HSPA12B: variants seen among roughly 807,000 people sequenced by gnomAD.
The protein encoded by HSPA12B is heat shock protein family A (Hsp70) member 12B.
HSPA12B carries 54 observed loss-of-function variants against 69.3 expected under a neutral mutation model. That is an observed-to-expected ratio of 0.78 (90% CI 0.63 to 0.98). HSPA12B has a LOEUF of 0.98. Among genes scored for constraint, HSPA12B ranks in the 50% least tolerant of loss-of-function variants. HSPA12B has a pLI of 0.00. For missense variants in HSPA12B, 929 were observed against 999.8 expected (o/e 0.93, Z 0.96); for synonymous variants, 441 against 436.5 (o/e 1.01, Z -0.13).
chr20:3,750,430 G>C (rs758396857), intron 11 of HSPA12B, among the ~76,000 whole-genome samples: 86 of 152,180 alleles, frequency 5.7e-4, no homozygotes, highest in Non-Finnish European at 1.1e-3. Flanking sequence ...GGAATCCGCA[G>C]CCCGAACTGG....
intron 12 of HSPA12B, chr20:3,751,288 T>G: frequency 1.0e-6 from 1 of 985,466 alleles, no homozygotes; most frequent in Non-Finnish European, 1.2e-6. Flanking sequence ...CACGTCGTGG[T>G]GGGAGAGAAG....
intron 3 of HSPA12B, among the ~76,000 whole-genome samples, chr20:3,741,479 A>G (rs1600314408): frequency 1.3e-5 from 2 of 152,090 alleles, no homozygotes; most frequent in African/African-American, 4.8e-5. Context: ...CAAAAAATAC[A>G]ACAATTAGCT....
At chr20:3,738,563 C>G (rs886956464) in intron 1 of HSPA12B, 95 bp from the exon 2 acceptor site, 1 of 1,249,332 alleles carries the variant, frequency 8.0e-7, no homozygotes, top group Non-Finnish European at 1.2e-6. Flanking sequence ...TCAAAGGACT[C>G]CAGCCAAAAG....
Position 3,744,286 on chromosome 20 carries a change from T to C in HSPA12B, c.267-616T>C, listed in dbSNP as rs1247602222. Among the ~76,000 whole-genome samples, 1 of 152,222 alleles carries C rather than the reference T, an allele frequency of 6.6e-6. No individual in the cohort carries two copies. Among genetic ancestry groups the C allele is most frequent in the African/African-American group, 2.4e-5 (1 of 41,462 alleles). ...ACATCACAGGAAACCACAAAGGCTC[T>C]GAGCACTTACAGCCCTCTAGGAGCT... On this transcript the variant is annotated intron_variant, in intron 4 of 12. Transcript: ENST00000254963. The surrounding 1 kb of genome is among the most constrained non-coding windows in gnomAD (Gnocchi z 4.9).
At chr20:3,735,419 C>G (rs555216468) in intron 1 of HSPA12B, among the ~76,000 whole-genome samples, 2 of 151,948 alleles carry the variant, frequency 1.3e-5, no homozygotes, top group East Asian at 3.9e-4. Flanking sequence ...AGAGTATAGG[C>G]CCATGGTTTG....
chr20:3,733,178 G>T (rs555976179), intron 1 of HSPA12B, among the ~76,000 whole-genome samples: 2 of 152,212 alleles, frequency 1.3e-5, no homozygotes, highest in Non-Finnish European at 2.9e-5. Flanking sequence ...GTGTGTGTTG[G>T]GGGGTGCCTC....
chr20:3,751,337 A>T, intron 12 of HSPA12B, 174 bp from the exon 13 acceptor site: 1 of 985,320 alleles, frequency 1.0e-6, no homozygotes, highest in Middle Eastern at 5.2e-4. Flanking sequence ...GCCCTCGAGG[A>T]CTCCCGTGAG....
chr20:3,749,715 C>T lies in HSPA12B; in HGVS notation c.938-35C>T, dbSNP rs572136242. ...GGGCGCAGGGCTGAGGGTGCGAGGCCGCCCACGAGTGTGTGCCCGCGCTCG... is the reference window on the plus strand; with the variant it reads ...GGGCGCAGGGCTGAGGGTGCGAGGCTGCCCACGAGTGTGTGCCCGCGCTCG... On this transcript the variant is annotated intron_variant, in intron 9 of 12. Coordinates refer to ENST00000254963, the MANE Select transcript of HSPA12B (RefSeq NM_052970.5). The surrounding 1 kb of genome is among the most constrained non-coding windows in gnomAD (Gnocchi z 5.5). The T allele has an allele frequency of 5.6e-5, 82 of 1,467,404 alleles. No homozygotes were observed. The South Asian group carries it at 7.2e-4, about 13-fold the overall frequency. 90.9% of individuals were successfully genotyped at this position (1,467,404 alleles called of 1,614,324 possible).
In HSPA12B at chr20:3,749,356, C is replaced by T. The variant is rs1162020257; in HGVS notation, c.937+38C>T. 3 of 1,567,694 alleles carry T rather than the reference C, an allele frequency of 1.9e-6. No homozygotes were observed. The highest frequency in any genetic ancestry group is 1.7e-5 in the Admixed American group (1 of 58,176). On this transcript the variant is annotated intron_variant, in intron 9 of 12. Transcript: ENST00000254963. The surrounding 1 kb of genome is among the most constrained non-coding windows in gnomAD (Gnocchi z 5.5). The stretch of plus-strand genomic sequence containing the variant: ...GGGGACGGAGTGTTATCCTTGGCCC[C>T]TACCGGGCACCATATACTGATGGGG...
chr20:3,745,139 A>C lies in HSPA12B; in HGVS notation c.453+51A>C. On this transcript the variant is annotated intron_variant, in intron 5 of 12. Transcript: ENST00000254963. The surrounding 1 kb of genome is among the most constrained non-coding windows in gnomAD (Gnocchi z 5.6). ...AGGCGGGGCCAGCATGGAAAAGGGC[A>C]GGGCTAATGGGGGTGGGTGGGACAA... 5 of 711,672 alleles carry C rather than the reference A, an allele frequency of 7.0e-6. No individual in the cohort carries two copies. Among genetic ancestry groups the C allele is most frequent in the Non-Finnish European group, 1.2e-5 (5 of 426,800 alleles). The allele number at this position is 711,672 out of a possible 1,614,324, so 44.1% of individuals were successfully genotyped here.
chr20:3,739,642 C>G (rs1472814012), intron 2 of HSPA12B, among the ~76,000 whole-genome samples: 3 of 152,192 alleles, frequency 2.0e-5, no homozygotes, highest in Non-Finnish European at 4.4e-5. Flanking sequence ...CACTTTTTCC[C>G]TGCCCCTCCA....
intron 4 of HSPA12B, 26 bp downstream of exon 4, chr20:3,742,434 G>C: frequency 6.4e-7 from 1 of 1,570,320 alleles, no homozygotes; most frequent in Non-Finnish European, 8.8e-7. Context: ...CTGAGAGAGT[G>C]AGGTGGGGAA....
Position 3,750,220 on chromosome 20 carries a change from A to C in HSPA12B, c.1294A>C (p.Arg432=), listed in dbSNP as rs757023154. ...RGHNVETALR[R]SSVNFVKWSS... is the part of the protein sequence containing the mutation. ...CCACAACGTGGAGACCGCTCTGCGCAGGAGCAGGTGGGTCCTGAGCCCGCG... is the reference window on the plus strand; with the variant it reads ...CCACAACGTGGAGACCGCTCTGCGCCGGAGCAGGTGGGTCCTGAGCCCGCG... The change falls in exon 11 of 13, where the codon AGG becomes CGG. Residue 432 remains arginine (R), a synonymous_variant. Transcript: ENST00000254963. 6.3e-7 allele frequency: 1 copy of C among 1,597,736 alleles called. No individual in the cohort carries two copies. Among genetic ancestry groups the C allele is most frequent in the Non-Finnish European group, 8.6e-7 (1 of 1,168,752 alleles).
intron 1 of HSPA12B, among the ~76,000 whole-genome samples, chr20:3,736,852 G>A (rs943381965): frequency 5.9e-5 from 9 of 152,086 alleles, no homozygotes; most frequent in Admixed American, 4.6e-4. Context: ...GTGAAACCCC[G>A]ACTCTACTAA....
intron 1 of HSPA12B, among the ~76,000 whole-genome samples, chr20:3,733,999 A>T (rs2088070257): frequency 6.6e-6 from 1 of 152,166 alleles, no homozygotes; most frequent in African/African-American, 2.4e-5. Context: ...TCCTCCGAGG[A>T]TTCTGTCAGG....
At chr20:3,733,775 C>T (rs962510787) in intron 1 of HSPA12B, among the ~76,000 whole-genome samples, 10 of 152,186 alleles carry the variant, frequency 6.6e-5, no homozygotes, top group Non-Finnish European at 1.2e-4. Context: ...AGCCCGCTGA[C>T]GGAGTCCTGT....
intron 1 of HSPA12B, among the ~76,000 whole-genome samples, chr20:3,733,358 T>C (rs2088060370): frequency 6.6e-6 from 1 of 151,894 alleles, no homozygotes; most frequent in Non-Finnish European, 1.5e-5. Context: ...CGTGTGTTGA[T>C]GAGAGAGACT....
At chr20:3,751,377 T>A in intron 12 of HSPA12B, 134 bp from the exon 13 acceptor site, 1 of 1,343,540 alleles carries the variant, frequency 7.4e-7, no homozygotes, top group Non-Finnish European at 9.5e-7. Context: ...AATGGCTACT[T>A]TCTAGTCGCC....
Position 3,752,131 on chromosome 20 carries a change from T to A in HSPA12B, c.2026T>A (p.Ser676Thr), listed in dbSNP as rs1231712175. ...VTAVDVSTNR[S>T]VRASIDFLSN ...CGCCGTCGACGTCAGCACCAATCGCTCCGTGCGCGCGTCCATCGACTTTCT... is the reference window on the plus strand; with the variant it reads ...CGCCGTCGACGTCAGCACCAATCGCACCGTGCGCGCGTCCATCGACTTTCT... Residue 676 changes from serine to threonine, a missense_variant, in exon 13 of 13, where the codon TCC becomes ACC. Physicochemically the swap from Ser to Thr is moderately conservative, Grantham distance 58 (BLOSUM62 1). Coordinates refer to ENST00000254963, the MANE Select transcript of HSPA12B (RefSeq NM_052970.5). The A allele has an allele frequency of 1.4e-6, 2 of 1,480,884 alleles. No individual in the cohort carries two copies. Among genetic ancestry groups the A allele is most frequent in the Non-Finnish European group, 1.8e-6 (2 of 1,123,044 alleles). 91.7% of individuals were successfully genotyped at this position (1,480,884 alleles called of 1,614,324 possible).
Sources: gnomAD v4.1 joint callset for allele counts (sites outside exome capture counted in the v4.1 genomes callset) on GRCh38, gnomAD v4.1.1 for gene constraint, Gnocchi (gnomAD v3.1) non-coding constraint, MANE v1.5 for transcripts, NCBI Gene and HGNC (gene_info 2026-07-23, HGNC 2026-07-21) for gene names.